The following MCTP1 variants were observed in gnomAD, a reference collection of about 807,000 sequenced individuals.
MCTP1 encodes multiple C2 and transmembrane domain containing 1.
MCTP1 carries 69 observed loss-of-function variants against 120.6 expected under a neutral mutation model. The ratio of observed to expected loss-of-function variants is 0.57; its 90% CI spans 0.47 to 0.70. The LOEUF (loss-of-function observed/expected upper bound fraction) is 0.70. Ranked by LOEUF, MCTP1 falls within the 30% of genes least tolerant of loss-of-function variation. The pLI is 0.00. For missense variants in MCTP1, 1,203 were observed against 1,248.8 expected, an observed-to-expected ratio of 0.96 and a Z score of 0.55; for synonymous variants, 529 against 493.1, an observed-to-expected ratio of 1.07 and a Z score of -0.96.
At chr5:94,846,613 T>C (rs1203712217) in intron 17 of MCTP1, among the ~76,000 whole-genome samples, 1 of 152,176 alleles carries the variant, frequency 6.6e-6, no homozygotes, top group East Asian at 1.9e-4. Flanking sequence ...ACATGCAGTT[T>C]ACCTATAATA....
intron 1 of MCTP1, among the ~76,000 whole-genome samples, chr5:95,208,869 AT>A (rs1417516220): frequency 1.3e-5 from 2 of 152,088 alleles, no homozygotes; most frequent in Admixed American, 1.3e-4. Flanking sequence ...AGAACTCTCA[AT>A]TTTCAATCCA....
intron 1 of MCTP1, among the ~76,000 whole-genome samples, chr5:95,019,722 A>G (rs891310989): frequency 2.0e-5 from 3 of 152,050 alleles, no homozygotes; most frequent in Non-Finnish European, 4.4e-5. Flanking sequence ...AATTTTTTTC[A>G]AGTTTAGGGC....
intron 1 of MCTP1, among the ~76,000 whole-genome samples, chr5:95,160,074 T>C (rs1745550211): frequency 6.6e-6 from 1 of 152,150 alleles, no homozygotes; most frequent in African/African-American, 2.4e-5. Context: ...AGAAGCCAGA[T>C]CATGAAGTGC....
intron 1 of MCTP1, among the ~76,000 whole-genome samples, chr5:95,266,999 T>C (rs1758934754): frequency 6.6e-6 from 1 of 152,242 alleles, no homozygotes; most frequent in Non-Finnish European, 1.5e-5. Flanking sequence ...TTAACACACT[T>C]TAACTTTTCC....
intron 17 of MCTP1, among the ~76,000 whole-genome samples, chr5:94,838,761 G>T (rs1198405217): frequency 6.6e-6 from 1 of 152,186 alleles, no homozygotes; most frequent in African/African-American, 2.4e-5. Context: ...TTGTCCTGTT[G>T]CAAGCATAAC....
intron 19 of MCTP1, among the ~76,000 whole-genome samples, chr5:94,763,105 A>C (rs1428975357): frequency 1.3e-5 from 2 of 152,132 alleles, no homozygotes; most frequent in Non-Finnish European, 2.9e-5. Context: ...TATCATTTTT[A>C]CTGTTAAGTT....
chr5:94,925,446 T>C (rs1279105614), intron 6 of MCTP1, among the ~76,000 whole-genome samples: 1 of 152,068 alleles, frequency 6.6e-6, no homozygotes, highest in Non-Finnish European at 1.5e-5. Context: ...TCTTGCTCTG[T>C]CGCCCAGGCT....
chr5:95,028,503 G>A (rs1839693252), intron 1 of MCTP1, among the ~76,000 whole-genome samples: 1 of 152,146 alleles, frequency 6.6e-6, no homozygotes, highest in Admixed American at 6.5e-5. Context: ...CTCCCAGAAT[G>A]TCTTTTCTGG....
intron 17 of MCTP1, 42 bp from the exon 18 acceptor site, chr5:94,799,174 G>A (rs1269201713): frequency 7.0e-6 from 11 of 1,580,730 alleles, no homozygotes; most frequent in Non-Finnish European, 9.5e-6. Flanking sequence ...AGTCAACACT[G>A]AATTTCATTA....
intron 1 of MCTP1, among the ~76,000 whole-genome samples, chr5:95,062,593 A>G (rs892028267): frequency 6.6e-6 from 1 of 152,290 alleles, no homozygotes; most frequent in Middle Eastern, 3.4e-3. Flanking sequence ...TCAGCATGGG[A>G]TTGGGGCAAA....
At chr5:94,783,403 G>A (rs574698287) in intron 18 of MCTP1, among the ~76,000 whole-genome samples, 9 of 152,098 alleles carry the variant, frequency 5.9e-5, no homozygotes, top group South Asian at 2.1e-4. Flanking sequence ...AGGAGCTCTC[G>A]TACTGTTACA....
At chr5:95,061,703 G>A (rs1749282815) in intron 1 of MCTP1, among the ~76,000 whole-genome samples, 1 of 151,890 alleles carries the variant, frequency 6.6e-6, no homozygotes, top group African/African-American at 2.4e-5. Context: ...CCAAAGTGCT[G>A]GGATTACAGG....
At chr5:94,733,127 C>T (rs1763444691) in intron 19 of MCTP1, among the ~76,000 whole-genome samples, 1 of 152,114 alleles carries the variant, frequency 6.6e-6, no homozygotes, top group African/African-American at 2.4e-5. Context: ...TTATTTGGAA[C>T]ACATGTTGGA....
At chr5:94,791,977 G>A in intron 18 of MCTP1, 1 of 152,492 alleles carries the variant, frequency 6.6e-6, no homozygotes, top group Non-Finnish European at 1.5e-5. Context: ...GCCAGTGGAG[G>A]AGCCCCGAAG....
chr5:94,808,213 G>A (rs1035135750), intron 17 of MCTP1, among the ~76,000 whole-genome samples: 2 of 152,088 alleles, frequency 1.3e-5, no homozygotes, highest in African/African-American at 2.4e-5. Flanking sequence ...CCTGTTCAAA[G>A]GTCTTTATTT....
intron 2 of MCTP1, among the ~76,000 whole-genome samples, chr5:94,984,938 T>C (rs1830188525): frequency 6.6e-6 from 1 of 152,206 alleles, no homozygotes; most frequent in South Asian, 2.1e-4. Context: ...CACATCAATG[T>C]CCTTTTACAT....
intron 1 of MCTP1, among the ~76,000 whole-genome samples, chr5:95,169,505 G>A (rs1746924479): frequency 6.6e-6 from 1 of 152,138 alleles, no homozygotes; most frequent in Non-Finnish European, 1.5e-5. Context: ...GGTAGAATTT[G>A]GCTGTGAATC....
chr5:94,925,958 CTAAT>C (rs1372366430), intron 6 of MCTP1, among the ~76,000 whole-genome samples: 3 of 151,956 alleles, frequency 2.0e-5, no homozygotes, highest in Non-Finnish European at 4.4e-5. Flanking sequence ...ATAAAAAAAT[CTAAT>C]TATGAATCTA....
At position 95,278,322 on chromosome 5, in the gene MCTP1, CTG is replaced by C. The variant is rs1760017974; in HGVS notation, c.720+5532_720+5533del. Among the ~76,000 whole-genome samples, 3 of 152,146 alleles carry C rather than the reference CTG, an allele frequency of 2.0e-5. No individual in the cohort carries two copies. The South Asian group carries it at 6.2e-4, about 32-fold the overall frequency. On this transcript the variant is annotated intron_variant, in intron 1 of 22. Coordinates refer to ENST00000515393, the MANE Select transcript of MCTP1 (RefSeq NM_024717.7). ...GCCGACAAATCAAAATTTACAAAAA[CTG>C]TAAAGGCTATTTGTTAAGTGAACAA...
Sources: gnomAD v4.1 joint callset for allele counts (sites outside exome capture counted in the v4.1 genomes callset) on GRCh38, gnomAD v4.1.1 for gene constraint, MANE v1.5 for transcripts, NCBI Gene and HGNC (gene_info 2026-07-23, HGNC 2026-07-21) for gene names.